LAT: variants seen among roughly 807,000 people sequenced by gnomAD.
LAT encodes the protein linker for activation of T cells.
LAT carries 12 observed loss-of-function variants against 39.1 expected under a neutral mutation model. The ratio of observed to expected loss-of-function variants is 0.31; its 90% CI spans 0.20 to 0.50. The LOEUF is 0.50. Among genes scored for constraint, LAT ranks in the 20% least tolerant of loss-of-function variants. The pLI is 0.98. For missense variants in LAT, 253 were observed against 308.0 expected (o/e 0.82, Z 1.34); for synonymous variants, 117 against 123.8 (o/e 0.95, Z 0.36).
At position 28,986,034 on chromosome 16, in the gene LAT, C is replaced by G; in HGVS notation, c.164-101C>G. On this transcript the variant is annotated intron_variant, in intron 3 of 11. Transcript: ENST00000395456. The surrounding 1 kb of genome is among the most constrained non-coding windows in gnomAD (Gnocchi z 5.7). Reference sequence around the variant, plus strand: ...AGCTGGGAGAGGGGAGATGGCTCCCCCAGGCCTGTCCAGGGTGTGGGGCTT... The same window carrying G: ...AGCTGGGAGAGGGGAGATGGCTCCCGCAGGCCTGTCCAGGGTGTGGGGCTT... 1 of 1,373,974 alleles carries G rather than the reference C, an allele frequency of 7.3e-7. No individual in the cohort carries two copies. The highest frequency in any genetic ancestry group is 2.3e-5 in the East Asian group (1 of 43,450). The allele number at this position is 1,373,974 out of a possible 1,614,324, so 85.1% of individuals were successfully genotyped here.
chr16:28,989,745 C>T (rs780767031), intron 9 of LAT, 29 bp from the exon 10 acceptor site: 3 of 1,613,218 alleles, frequency 1.9e-6, no homozygotes. Context: ...CTTTGCGTGG[C>T]TGCCCCTCCT....
At chr16:28,989,686 T>C in intron 9 of LAT, 88 bp from the exon 10 acceptor site, 4 of 1,584,124 alleles carry the variant, frequency 2.5e-6, no homozygotes, top group Non-Finnish European at 2.6e-6. Flanking sequence ...ACCCACACCC[T>C]CTGCCCCCTC....
chr16:28,990,175 C>T lies in LAT; in HGVS notation c.*8-14C>T, dbSNP rs1965841260. 1.4e-6 allele frequency: 1 copy of T among 731,458 alleles called. No homozygotes were observed. The highest frequency in any genetic ancestry group is 1.7e-5 in the African/African-American group (1 of 57,716). 45.3% of individuals were successfully genotyped at this position (731,458 alleles called of 1,614,324 possible). A position where few individuals can be genotyped will look rare whatever the true frequency, so the allele number is the denominator to read the frequency against. ...CTCCTGATCCGTATCCCTCCCTGCC[C>T]TGGTGTGTTTCAGTGGAGGCCGAGT... On this transcript the variant is annotated splice_polypyrimidine_tract_variant and intron_variant, in intron 11 of 11. Coordinates refer to ENST00000395456, the MANE Select transcript of LAT (RefSeq NM_001014987.2).
Position 28,985,526 on chromosome 16 carries a change from G to T in LAT, c.100+9G>T, listed in dbSNP as rs767237358. The T allele has an allele frequency of 1.9e-6, 3 of 1,612,636 alleles. No individual in the cohort carries two copies. The highest frequency in any genetic ancestry group is 1.1e-5 in the South Asian group (1 of 91,010). On this transcript the variant is annotated intron_variant, in intron 1 of 11. Coordinates refer to ENST00000395456, the MANE Select transcript of LAT (RefSeq NM_001014987.2). The surrounding 1 kb of genome is among the most constrained non-coding windows in gnomAD (Gnocchi z 4.6). ...CTGCCACAGACTGCCAGGTGAGTGG[G>T]AAACTGGTGGGGGTACCCAGGGCCC...
rs1372599381 is a variant in LAT at position 28,985,096 on chromosome 16, C to T, written c.-322C>T. 8 of 1,427,502 alleles carry T rather than the reference C, an allele frequency of 5.6e-6. No homozygotes were observed. The highest frequency in any genetic ancestry group is 5.1e-5 in the East Asian group (2 of 38,926). The allele number at this position is 1,427,502 out of a possible 1,614,324, so 88.4% of individuals were successfully genotyped here. A position where few individuals can be genotyped will look rare whatever the true frequency, so the allele number is the denominator to read the frequency against. ...GGGCGGGAGGGCGGGCACGGAGAGG[C>T]GGGCGCCGAGGAGGGGCAGGTAGGG... On this transcript the variant is annotated 5_prime_UTR_variant, in exon 1 of 12. Transcript: ENST00000395456. The surrounding 1 kb of genome is among the most constrained non-coding windows in gnomAD (Gnocchi z 4.6).
In LAT at chr16:28,986,418, G is replaced by A. The variant is rs763554523; in HGVS notation, c.282G>A (p.Thr94=). 2.5e-6 allele frequency: 4 copies of A among 1,613,820 alleles called. No individual in the cohort carries two copies. In the African/African-American group the frequency reaches 4.0e-5, roughly 16 times the overall value. ...SPQPLGGSHR[T]PSSRRDSDGA... is the part of the protein sequence containing the mutation. ...AGCCCCTTGGGGGCTCCCACCGGAC[G>A]CCATCTTCCCGGCGGGATTCTGATG... The change falls in exon 5 of 12, where the codon ACG becomes ACA. Residue 94 remains threonine, a synonymous_variant. Coordinates refer to ENST00000395456, the MANE Select transcript of LAT (RefSeq NM_001014987.2). This position sits in a 1 kb window ranked among gnomAD's most constrained non-coding sequence, Gnocchi z 5.7.
At position 28,986,116 on chromosome 16, in the gene LAT, C is replaced by G. The variant is rs557421465; in HGVS notation, c.164-19C>G. The G allele has an allele frequency of 6.3e-7, 1 of 1,580,406 alleles. No individual in the cohort carries two copies. The highest frequency in any genetic ancestry group is 1.8e-5 in the Admixed American group (1 of 55,494). ...ACGATGTCCGGAGTCCTTCTTTCAA[C>G]TTGGTTCTGTGTCCTCAGACACGGT... On this transcript the variant is annotated intron_variant, in intron 3 of 11. Transcript: ENST00000395456. This position sits in a 1 kb window ranked among gnomAD's most constrained non-coding sequence, Gnocchi z 5.7.
At position 28,989,847 on chromosome 16, in the gene LAT, C is replaced by T; in HGVS notation, c.622+8C>T. On this transcript the variant is annotated splice_region_variant and intron_variant, in intron 10 of 11. Transcript: ENST00000395456. Reference sequence around the variant, plus strand: ...CGGCTAAGACTGAGCCTGGTGTGTTCTGCGGGAGGGGCAGGAGCTGGGGTA... The same window carrying T: ...CGGCTAAGACTGAGCCTGGTGTGTTTTGCGGGAGGGGCAGGAGCTGGGGTA... 6.2e-7 allele frequency: 1 copy of T among 1,614,116 alleles called. No individual in the cohort carries two copies. The highest frequency in any genetic ancestry group is 8.5e-7 in the Non-Finnish European group (1 of 1,180,000).
rs1353202911 is a variant in LAT at position 28,989,607 on chromosome 16, G to T, written c.556+18G>T. On this transcript the variant is annotated intron_variant, in intron 9 of 11. Coordinates refer to ENST00000395456, the MANE Select transcript of LAT (RefSeq NM_001014987.2). ...GTCTCTGGGTGAGTGACCGGTGCTT[G>T]TCGGTGCCTGCCCCTGCACCCCGCT... is the stretch of plus-strand genomic sequence containing the variant. The T allele has an allele frequency of 4.4e-6, 7 of 1,604,298 alleles. No individual in the cohort carries two copies. Among genetic ancestry groups the T allele is most frequent in the Non-Finnish European group, 6.0e-6 (7 of 1,174,740 alleles).
upstream of LAT, chr16:28,984,928 G>T (rs1240151918): frequency 6.5e-7 from 1 of 1,543,272 alleles, no homozygotes; most frequent in Admixed American, 2.0e-5. Flanking sequence ...CAGACCCTTG[G>T]TGAGTGCCTG....
rs1052682956 is a variant in LAT at position 28,985,281 on chromosome 16, C to T, written c.-137C>T. 30 of 1,466,636 alleles carry T rather than the reference C, an allele frequency of 2.0e-5. No individual in the cohort carries two copies. The highest frequency in any genetic ancestry group is 1.2e-4 in the South Asian group (9 of 72,718). The allele number at this position is 1,466,636 out of a possible 1,614,324, so 90.9% of individuals were successfully genotyped here. A position where few individuals can be genotyped will look rare whatever the true frequency, so the allele number is the denominator to read the frequency against. ...CGGGGAGGGCACAGCTGCCTCCTCC[C>T]GGGCTCCCCTGCCACCTGGTGCCTA... On this transcript the variant is annotated 5_prime_UTR_variant, in exon 1 of 12. Coordinates refer to ENST00000395456, the MANE Select transcript of LAT (RefSeq NM_001014987.2). The surrounding 1 kb of genome is among the most constrained non-coding windows in gnomAD (Gnocchi z 4.6).
chr16:28,986,978 T>C lies in LAT; in HGVS notation c.493+85T>C. On this transcript the variant is annotated intron_variant, in intron 8 of 11. Transcript: ENST00000395456. The surrounding 1 kb of genome is among the most constrained non-coding windows in gnomAD (Gnocchi z 5.7). ...GTGCCATTGTAGCTCGCTGCAGCCT[T>C]GAACTCCTGGGCTCCAGTGATCCTC... The C allele has an allele frequency of 8.8e-7, 1 of 1,142,260 alleles. No homozygotes were observed. Among genetic ancestry groups the C allele is most frequent in the East Asian group, 2.6e-5 (1 of 39,066 alleles). 70.8% of individuals were successfully genotyped at this position (1,142,260 alleles called of 1,614,324 possible).
upstream of LAT, chr16:28,984,901 G>C (rs549994584): frequency 1.3e-6 from 2 of 1,548,132 alleles, no homozygotes; most frequent in African/African-American, 2.7e-5. Flanking sequence ...GGCTGTCCCC[G>C]TCTTGGGGGG....
At position 28,989,578 on chromosome 16, in the gene LAT, A is replaced by G; in HGVS notation, c.545A>G (p.Glu182Gly). 1 of 1,611,034 alleles carries G rather than the reference A, an allele frequency of 6.2e-7. No homozygotes were observed. Among genetic ancestry groups the G allele is most frequent in the African/African-American group, 1.3e-5 (1 of 74,968 alleles). The change falls in exon 9 of 12, where the codon GAA (glutamate) becomes GGA (glycine). Residue 182 changes from glutamate (E) to glycine (G), a missense_variant. Physicochemically the swap from Glu to Gly is moderately conservative, Grantham distance 98. Transcript: ENST00000395456. ...VNVPESGESA[E>G]ASLDGSREYV... ...GTTCCGGAGAGCGGGGAGAGCGCAGAAGCGTCTCTGGGTGAGTGACCGGTG... is the reference window on the plus strand; with the variant it reads ...GTTCCGGAGAGCGGGGAGAGCGCAGGAGCGTCTCTGGGTGAGTGACCGGTG...
chr16:28,985,973 C>T lies in LAT; in HGVS notation c.163+85C>T. 1 of 1,528,584 alleles carries T rather than the reference C, an allele frequency of 6.5e-7. No homozygotes were observed. The highest frequency in any genetic ancestry group is 1.1e-5 in the South Asian group (1 of 89,266). The allele number at this position is 1,528,584 out of a possible 1,614,324, so 94.7% of individuals were successfully genotyped here. On this transcript the variant is annotated intron_variant, in intron 3 of 11. Coordinates refer to ENST00000395456, the MANE Select transcript of LAT (RefSeq NM_001014987.2). The surrounding 1 kb of genome is among the most constrained non-coding windows in gnomAD (Gnocchi z 4.6). Reference sequence around the variant, plus strand: ...GTGAGCGTGAACCTTCAGACTTCCCCTGCCACCTTGGGGCTGCCCACATGG... The same window carrying T: ...GTGAGCGTGAACCTTCAGACTTCCCTTGCCACCTTGGGGCTGCCCACATGG...
chr16:28,985,639 G>A lies in LAT; in HGVS notation c.101-74G>A. 2 of 1,605,202 alleles carry A rather than the reference G, an allele frequency of 1.2e-6. No homozygotes were observed. The highest frequency in any genetic ancestry group is 3.4e-4 in the Middle Eastern group (2 of 5,800). ...CCTCCGTCCTGATCCCAGCGCCTCT[G>A]AGAGTCCCTGGATCCCAGCACCTTC... On this transcript the variant is annotated intron_variant, in intron 1 of 11. Transcript: ENST00000395456. The surrounding 1 kb of genome is among the most constrained non-coding windows in gnomAD (Gnocchi z 4.6).
Position 28,985,359 on chromosome 16 carries a change from T to G in LAT, c.-59T>G, listed in dbSNP as rs772048600. 5.0e-6 allele frequency: 8 copies of G among 1,607,396 alleles called. No homozygotes were observed. The highest frequency in any genetic ancestry group is 6.8e-6 in the Non-Finnish European group (8 of 1,177,506). On this transcript the variant is annotated 5_prime_UTR_variant, in exon 1 of 12. Coordinates refer to ENST00000395456, the MANE Select transcript of LAT (RefSeq NM_001014987.2). This position sits in a 1 kb window ranked among gnomAD's most constrained non-coding sequence, Gnocchi z 4.6. ...GTCCTCACCCCATCTTCATCTGGCC[T>G]TGACTCTGCCCTTGAGGGGCCTAGG...
chr16:28,990,751 T>G lies in LAT; in HGVS notation c.*570T>G, dbSNP rs1965849456. 1 of 153,502 alleles carries G rather than the reference T, an allele frequency of 6.5e-6. No individual in the cohort carries two copies. The highest frequency in any genetic ancestry group is 1.4e-5 in the Non-Finnish European group (1 of 69,070). The allele number at this position is 153,502 out of a possible 1,614,324, so 9.5% of individuals were successfully genotyped here. ...GAGGACTCTCTTAGTTCTTACCTTT[T>G]GTGGTTCTCAATAAAACAGAACTTA... On this transcript the variant is annotated 3_prime_UTR_variant, in exon 12 of 12. Coordinates refer to ENST00000395456, the MANE Select transcript of LAT (RefSeq NM_001014987.2).
At position 28,986,470 on chromosome 16, in the gene LAT, C is replaced by T. The variant is rs770491878; in HGVS notation, c.310+24C>T. 1.2e-5 allele frequency: 19 copies of T among 1,613,404 alleles called. No homozygotes were observed. The highest frequency in any genetic ancestry group is 9.3e-5 in the African/African-American group (7 of 74,898). On this transcript the variant is annotated intron_variant, in intron 5 of 11. Transcript: ENST00000395456. The surrounding 1 kb of genome is among the most constrained non-coding windows in gnomAD (Gnocchi z 5.7). ...TGGTAAGTGTGGGGAAGGGTTCAGG[C>T]GGCGGGGGCTGGGAAGAAGATAGGC...
Sources: allele counts gnomAD v4.1 joint callset, GRCh38; gene constraint gnomAD v4.1.1; non-coding constraint Gnocchi (gnomAD v3.1); transcripts MANE v1.5; gene names NCBI Gene and HGNC (gene_info 2026-07-23, HGNC 2026-07-21).